The following SPAG17 variants were observed in gnomAD, a reference collection of about 807,000 sequenced individuals.
SPAG17 encodes sperm associated antigen 17, also known as sperm-associated antigen 17.
SPAG17 carries 169 observed loss-of-function variants against 273.6 expected under a neutral mutation model. The observed-to-expected ratio is 0.62, with a 90% confidence interval of 0.55 to 0.70. SPAG17 has a LOEUF of 0.70. Among genes scored for constraint, SPAG17 ranks in the 30% least tolerant of loss-of-function variants. The pLI, the probability that SPAG17 is intolerant of heterozygous loss-of-function variation, is 0.00. For synonymous variants in SPAG17, 825 were observed against 873.2 expected, an observed-to-expected ratio of 0.94 and a Z score of 0.97; for missense variants, 2,557 against 2,627.8, an observed-to-expected ratio of 0.97 and a Z score of 0.59.
chr1:118,159,758 G>A (rs982335332), intron 1 of SPAG17, among the ~76,000 whole-genome samples: 2 of 151,986 alleles, frequency 1.3e-5, no homozygotes, highest in Non-Finnish European at 2.9e-5. Flanking sequence ...AGCTTAATTC[G>A]GTTTTGCTCC....
intron 1 of SPAG17, among the ~76,000 whole-genome samples, chr1:118,182,293 G>A (rs1421291126): frequency 3.3e-5 from 5 of 152,022 alleles, no homozygotes; most frequent in African/African-American, 1.2e-4. Context: ...GTGAGGAGAG[G>A]GAAGGATGGG....
intron 3 of SPAG17, among the ~76,000 whole-genome samples, chr1:118,142,436 T>C (rs1165819015): frequency 6.6e-6 from 1 of 152,208 alleles, no homozygotes; most frequent in African/African-American, 2.4e-5. Flanking sequence ...TACTGAATTA[T>C]ACACTTAGAC....
At chr1:118,146,832 G>A (rs1036239817) in intron 3 of SPAG17, among the ~76,000 whole-genome samples, 1 of 152,152 alleles carries the variant, frequency 6.6e-6, no homozygotes, top group Admixed American at 6.5e-5. Flanking sequence ...GCACACAATG[G>A]AGATTTTATC....
chr1:118,162,100 C>A (rs1463883832), intron 1 of SPAG17, among the ~76,000 whole-genome samples: 1 of 152,124 alleles, frequency 6.6e-6, no homozygotes, highest in East Asian at 1.9e-4. Context: ...TATCCCCAGT[C>A]AATGATTAGA....
At chr1:118,176,339 A>G (rs2102403134) in intron 1 of SPAG17, among the ~76,000 whole-genome samples, 1 of 152,270 alleles carries the variant, frequency 6.6e-6, no homozygotes, top group South Asian at 2.1e-4. Context: ...CACCTCACCT[A>G]TAAAGACACA....
At chr1:118,022,675 T>C (rs1460764907) in intron 28 of SPAG17, among the ~76,000 whole-genome samples, 2 of 152,210 alleles carry the variant, frequency 1.3e-5, no homozygotes, top group African/African-American at 4.8e-5. Flanking sequence ...TCATTGCTTA[T>C]CCAAGTATTG....
chr1:117,971,626 AATG>A (rs57494689), intron 45 of SPAG17, among the ~76,000 whole-genome samples: 6,959 of 152,218 alleles, frequency 0.046, 337 homozygotes, highest in African/African-American at 0.12. Context: ...AAGTATGAAT[AATG>A]ATGACTAGGA....
intron 15 of SPAG17, among the ~76,000 whole-genome samples, chr1:118,078,953 T>C (rs1654320759): frequency 2.0e-5 from 3 of 152,088 alleles, no homozygotes; most frequent in Non-Finnish European, 4.4e-5. Flanking sequence ...ATATGTTAGA[T>C]CAGTTTTCCT....
intron 5 of SPAG17, 36 bp downstream of exon 5, chr1:118,101,704 C>T (rs919445792): frequency 1.1e-5 from 18 of 1,591,102 alleles, no homozygotes; most frequent in South Asian, 9.1e-5. Flanking sequence ...GTGTTTCACT[C>T]GTGAAAGGCA....
chr1:118,120,969 G>GT, intron 3 of SPAG17, among the ~76,000 whole-genome samples: 1 of 152,292 alleles, frequency 6.6e-6, no homozygotes, highest in East Asian at 1.9e-4. Context: ...TAAGTAACAG[G>GT]TGTGGCAGTT....
At chr1:118,178,478 T>C (rs981693210) in intron 1 of SPAG17, among the ~76,000 whole-genome samples, 17 of 151,956 alleles carry the variant, frequency 1.1e-4, no homozygotes, top group Non-Finnish European at 4.4e-5. Flanking sequence ...GCTAAAATCA[T>C]ACTGACCAGG....
intron 1 of SPAG17, among the ~76,000 whole-genome samples, chr1:118,171,372 C>G (rs1344611038): frequency 2.0e-5 from 3 of 152,096 alleles, no homozygotes; most frequent in Non-Finnish European, 4.4e-5. Flanking sequence ...ATCAGAAGGG[C>G]CATTTTCTGT....
intron 3 of SPAG17, among the ~76,000 whole-genome samples, chr1:118,118,060 C>T (rs1657196137): frequency 6.6e-6 from 1 of 152,090 alleles, no homozygotes; most frequent in Non-Finnish European, 1.5e-5. Context: ...ACAATTCTAC[C>T]CTATCAGTAG....
chr1:118,085,091 GT>G (rs1258394173), intron 13 of SPAG17, among the ~76,000 whole-genome samples: 1 of 152,132 alleles, frequency 6.6e-6, no homozygotes, highest in Non-Finnish European at 1.5e-5. Flanking sequence ...CTCTTTCTTA[GT>G]TCCTTCCTGT....
chr1:118,139,377 G>C, intron 3 of SPAG17, among the ~76,000 whole-genome samples: 1 of 152,006 alleles, frequency 6.6e-6, no homozygotes, highest in East Asian at 1.9e-4. Context: ...TATAAGTTAC[G>C]ACAGCCCATT....
At chr1:118,001,288 T>A (rs1288394594) in intron 32 of SPAG17, among the ~76,000 whole-genome samples, 3 of 152,200 alleles carry the variant, frequency 2.0e-5, no homozygotes, top group African/African-American at 4.8e-5. Context: ...TCTCCTTTTT[T>A]GTTGTGTCTC....
chr1:117,954,504 G>C, intron 48 of SPAG17: 1 of 1,395,990 alleles, frequency 7.2e-7, no homozygotes, highest in Non-Finnish European at 9.9e-7. Flanking sequence ...ATAAAATACA[G>C]TTACCACTCT....
chr1:118,165,518 A>T (rs1243267013), intron 1 of SPAG17, among the ~76,000 whole-genome samples: 1 of 151,746 alleles, frequency 6.6e-6, no homozygotes, highest in South Asian at 2.1e-4. Flanking sequence ...CATTTTTCAC[A>T]TATTTTCTTA....
intron 1 of SPAG17, among the ~76,000 whole-genome samples, chr1:118,161,739 G>A (rs995089111): frequency 6.6e-6 from 1 of 152,126 alleles, no homozygotes; most frequent in African/African-American, 2.4e-5. Flanking sequence ...GTTTCACCGT[G>A]TTAGCCAGGA....
Sources: gnomAD v4.1 joint callset for allele counts (sites outside exome capture counted in the v4.1 genomes callset) on GRCh38, gnomAD v4.1.1 for gene constraint, MANE v1.5 for transcripts, NCBI Gene and HGNC (gene_info 2026-07-23, HGNC 2026-07-21) for gene names.